OLFM2: variants seen among roughly 807,000 people sequenced by gnomAD.
OLFM2 encodes olfactomedin 2.
OLFM2 carries 20 observed loss-of-function variants against 43.9 expected under a neutral mutation model. The observed-to-expected ratio is 0.46, with a 90% CI of 0.32 to 0.66. The LOEUF (loss-of-function observed/expected upper bound fraction) is 0.66. Ranked by LOEUF, OLFM2 falls within the 30% of genes least tolerant of loss-of-function variation. The pLI, the probability that OLFM2 is intolerant of heterozygous loss-of-function variation, is 0.04. For synonymous variants in OLFM2, 268 were observed against 278.6 expected (o/e 0.96, Z 0.38); for missense variants, 416 against 643.6 (o/e 0.65, Z 3.83).
At chr19:9,870,934 A>G (rs959706675) in intron 1 of OLFM2, among the ~76,000 whole-genome samples, 1 of 152,186 alleles carries the variant, frequency 6.6e-6, no homozygotes, top group South Asian at 2.1e-4. Context: ...AGTGGCTCGC[A>G]TCTGTAATCC....
intron 1 of OLFM2, among the ~76,000 whole-genome samples, chr19:9,865,936 G>A (rs2046399277): frequency 6.6e-6 from 1 of 151,548 alleles, no homozygotes; most frequent in African/African-American, 2.4e-5. Context: ...AATATCTTTT[G>A]TGCAGAGACA....
At position 9,854,387 on chromosome 19, in the gene OLFM2, A is replaced by G. The variant is rs764449237; in HGVS notation, c.1164T>C (p.Ala388=). The change falls in exon 6 of 6, where the codon GCT becomes GCC. Residue 388 remains alanine (A), a synonymous_variant. Transcript: ENST00000264833. The surrounding 1 kb of genome is among the most constrained non-coding windows in gnomAD (Gnocchi z 9.5). Reference sequence around the variant, plus strand: ...AATAGGCGAAGTAGACCTTGGCCCCAGCCAGGTGGGAGTTGGTCACGTAGA... The same window carrying G: ...AATAGGCGAAGTAGACCTTGGCCCCGGCCAGGTGGGAGTTGGTCACGTAGA... The part of the protein sequence containing the change: ...GVLYVTNSHL[A]GAKVYFAYFT... 5 of 1,614,122 alleles carry G rather than the reference A, an allele frequency of 3.1e-6. No homozygotes were observed. Among genetic ancestry groups the G allele is most frequent in the Non-Finnish European group, 1.7e-6 (2 of 1,180,054 alleles).
chr19:9,927,341 G>A lies in OLFM2; in HGVS notation c.63+8963C>T, dbSNP rs990012422. Among the ~76,000 whole-genome samples the A allele has an allele frequency of 3.3e-5, 5 of 152,050 alleles. No homozygotes were observed. In the East Asian group the frequency reaches 5.8e-4, roughly 18 times the overall value. ...TTCTAAAATCCTTAACCCAGCTTTC[G>A]AAGCCTTTACAGTCAGATCACAACC... is the stretch of plus-strand genomic sequence containing the variant. On this transcript the variant is annotated intron_variant, in intron 1 of 5. Transcript: ENST00000264833.
intron 1 of OLFM2, among the ~76,000 whole-genome samples, chr19:9,916,772 C>T (rs1050469044): frequency 1.3e-5 from 2 of 152,184 alleles, no homozygotes; most frequent in African/African-American, 2.4e-5. Flanking sequence ...TGCCTCCCAC[C>T]TCCCCAACGT....
At chr19:9,924,917 T>A (rs912484027) in intron 1 of OLFM2, among the ~76,000 whole-genome samples, 7 of 151,752 alleles carry the variant, frequency 4.6e-5, no homozygotes, top group African/African-American at 1.7e-4. Flanking sequence ...CGTGTATATA[T>A]ATAGATATGA....
chr19:9,913,760 C>G (rs1416753358), intron 1 of OLFM2: 2 of 716,456 alleles, frequency 2.8e-6, no homozygotes, highest in Non-Finnish European at 3.4e-6. Context: ...GCAGGGGGTC[C>G]GGGACGGGGT....
intron 1 of OLFM2, among the ~76,000 whole-genome samples, chr19:9,900,566 C>T (rs945342600): frequency 6.6e-6 from 1 of 151,890 alleles, no homozygotes; most frequent in African/African-American, 2.4e-5. Context: ...GCCCCCCATA[C>T]TTAGCTCTGA....
rs371942976 is a variant in OLFM2, at chr19:9,919,949, C to A, written c.63+16355G>T. 6.6e-5 allele frequency among the ~76,000 whole-genome samples: 10 copies of A among 151,434 alleles called. No individual in the cohort carries two copies. The South Asian group carries it at 2.1e-3, about 32-fold the overall frequency. ...AGCTGGGATTACAGGGGCAAGCCAC[C>A]ATGCTCAGCTAATTTTTGTATTTTT... On this transcript the variant is annotated intron_variant, in intron 1 of 5. Transcript: ENST00000264833.
intron 1 of OLFM2, among the ~76,000 whole-genome samples, chr19:9,874,890 A>G (rs1220512355): frequency 6.6e-6 from 1 of 152,226 alleles, no homozygotes; most frequent in Non-Finnish European, 1.5e-5. Context: ...CTGGGATTAC[A>G]GGCATGAGAC....
intron 1 of OLFM2, among the ~76,000 whole-genome samples, chr19:9,869,785 T>C (rs1453658111): frequency 6.6e-6 from 1 of 152,164 alleles, no homozygotes; most frequent in Non-Finnish European, 1.5e-5. Context: ...GCCCAGCTAA[T>C]TTTTTATTTT....
chr19:9,935,988 T>G (rs538970852), intron 1 of OLFM2, among the ~76,000 whole-genome samples: 3 of 151,066 alleles, frequency 2.0e-5, no homozygotes, highest in Admixed American at 6.6e-5. Context: ...CAATGCCCCC[T>G]GAAGTTTCCC....
At chr19:9,891,317 A>G (rs1291190378) in intron 1 of OLFM2, among the ~76,000 whole-genome samples, 7 of 36,284 alleles carry the variant, frequency 1.9e-4, no homozygotes, top group Admixed American at 4.2e-4. Context: ...CATCTCGGAA[A>G]AAAAAAAAAA....
At chr19:9,934,242 C>G (rs2145015928) in intron 1 of OLFM2, among the ~76,000 whole-genome samples, 1 of 152,262 alleles carries the variant, frequency 6.6e-6, no homozygotes, top group East Asian at 1.9e-4. Flanking sequence ...GAGACTGTTT[C>G]ACAACCATGT....
chr19:9,854,898 A>G lies in OLFM2; in HGVS notation c.688-35T>C. 1 of 1,482,968 alleles carries G rather than the reference A, an allele frequency of 6.7e-7. No homozygotes were observed. The highest frequency in any genetic ancestry group is 1.3e-5 in the South Asian group (1 of 76,182). 91.9% of individuals were successfully genotyped at this position (1,482,968 alleles called of 1,614,324 possible). The stretch of plus-strand genomic sequence containing the variant: ...CAGCCGCTGGTCACTGGGGGGAACC[A>G]CCACCAACGACCCAAGGGTCCCAGC... On this transcript the variant is annotated intron_variant, in intron 5 of 5. Transcript: ENST00000264833. This position sits in a 1 kb window ranked among gnomAD's most constrained non-coding sequence, Gnocchi z 9.5.
At chr19:9,875,873 T>A (rs1353877336) in intron 1 of OLFM2, among the ~76,000 whole-genome samples, 1 of 152,076 alleles carries the variant, frequency 6.6e-6, no homozygotes, top group Admixed American at 6.6e-5. Context: ...ACCAAAAGCC[T>A]GCCTTGGGTA....
At chr19:9,930,587 G>C (rs1000750844) in intron 1 of OLFM2, among the ~76,000 whole-genome samples, 2 of 151,804 alleles carry the variant, frequency 1.3e-5, no homozygotes, top group Middle Eastern at 3.2e-3. Context: ...GCTCACGCCT[G>C]TAATCCCAGC....
At chr19:9,935,946 G>A (rs1455708736) in intron 1 of OLFM2, among the ~76,000 whole-genome samples, 3 of 152,192 alleles carry the variant, frequency 2.0e-5, no homozygotes, top group African/African-American at 7.2e-5. Flanking sequence ...CGGCCCCGAA[G>A]AGGAAGTCAA....
chr19:9,854,016 T>G lies in OLFM2; in HGVS notation c.*170A>C, dbSNP rs1599460235. On this transcript the variant is annotated 3_prime_UTR_variant, in exon 6 of 6. Transcript: ENST00000264833. This position sits in a 1 kb window ranked among gnomAD's most constrained non-coding sequence, Gnocchi z 9.5. The stretch of plus-strand genomic sequence containing the variant: ...GATCAATAAAGGAGAAGAGGGGAAA[T>G]TGAAAAAATAGACAGAAATACATAG... The G allele has an allele frequency of 1.2e-5, 7 of 562,470 alleles. No homozygotes were observed. The highest frequency in any genetic ancestry group is 3.1e-5 in the East Asian group (1 of 31,830). The allele number at this position is 562,470 out of a possible 1,614,324, so 34.8% of individuals were successfully genotyped here.
chr19:9,894,352 G>A (rs1011558094), intron 1 of OLFM2, among the ~76,000 whole-genome samples: 3 of 147,668 alleles, frequency 2.0e-5, no homozygotes, highest in Non-Finnish European at 4.5e-5. Flanking sequence ...ACTCCAGCCT[G>A]GGCAACAGAG....
Sources: gnomAD v4.1 joint callset for allele counts (sites outside exome capture counted in the v4.1 genomes callset) on GRCh38, gnomAD v4.1.1 for gene constraint, Gnocchi (gnomAD v3.1) non-coding constraint, MANE v1.5 for transcripts, NCBI Gene and HGNC (gene_info 2026-07-23, HGNC 2026-07-21) for gene names.